JADE3: variants seen among roughly 807,000 people sequenced by gnomAD.
The protein encoded by JADE3 is protein Jade-3.
JADE3 carries 2 observed loss-of-function variants against 50.1 expected under a neutral mutation model. The observed-to-expected ratio is 0.04, with a 90% CI of 0.02 to 0.13. The LOEUF is 0.13. Among genes scored for constraint, JADE3 ranks in the 10% least tolerant of loss-of-function variants. JADE3 has a pLI of 1.00. For synonymous variants in JADE3, 218 were observed against 232.9 expected (o/e 0.94, Z 0.58); for missense variants, 475 against 634.4 (o/e 0.75, Z 2.70).
chrX:47,028,047 A>G lies in JADE3; in HGVS notation c.631A>G (p.Ser211Gly). The change falls in exon 6 of 11, where the codon AGT (serine) becomes GGT (glycine). Residue 211 changes from serine (S) to glycine (G), a missense_variant. Physicochemically the swap from Ser to Gly is moderately conservative, Grantham distance 56 (BLOSUM62 0). Transcript: ENST00000614628. ...CTGTGATGTGTGCCGGTCTCCAGAC[A>G]GTGAAGAAGGGAATGATATGGTGTT... ...VICDVCRSPD[S>G]EEGNDMVFCD... 1 of 1,210,295 alleles carries G rather than the reference A, an allele frequency of 8.3e-7. No homozygotes were observed. Among genetic ancestry groups the G allele is most frequent in the African/African-American group, 1.7e-5 (1 of 57,773 alleles).
At chrX:46,970,914 G>A (rs1327647329) in intron 1 of JADE3, among the ~76,000 whole-genome samples, 4 of 110,673 alleles carry the variant, frequency 3.6e-5, no homozygotes, top group African/African-American at 9.8e-5. Flanking sequence ...ATGGGAAATC[G>A]TTTTTTTAAA....
At chrX:47,024,985 G>A (rs782043106) in intron 5 of JADE3, 71 bp downstream of exon 5, 1 of 527,977 alleles carries the variant, frequency 1.9e-6, no homozygotes, top group South Asian at 5.3e-5. Context: ...GAACCCTTTA[G>A]CTTGTTTTTA....
intron 1 of JADE3, among the ~76,000 whole-genome samples, chrX:46,928,615 A>G (rs1569534157): frequency 9.0e-6 from 1 of 111,727 alleles, no homozygotes; most frequent in African/African-American, 3.3e-5. Flanking sequence ...ACAGGATTTC[A>G]CTCTGTCACC....
At chrX:46,947,176 T>A (rs1926901871) in intron 1 of JADE3, among the ~76,000 whole-genome samples, 1 of 111,279 alleles carries the variant, frequency 9.0e-6, no homozygotes, top group Admixed American at 9.5e-5. Flanking sequence ...CGCGCCACCA[T>A]GCCCGGCTAA....
intron 1 of JADE3, among the ~76,000 whole-genome samples, chrX:46,917,876 TCTCTCTCTCATC>T (rs1569533784): frequency 2.9e-5 from 3 of 102,836 alleles, no homozygotes; most frequent in Admixed American, 2.1e-4. Flanking sequence ...TCTCTCTCTC[TCTCTCTCTCATC>T]CTCTCTCTCT....
At chrX:46,954,729 A>G (rs1315769032) in intron 1 of JADE3, among the ~76,000 whole-genome samples, 1 of 110,615 alleles carries the variant, frequency 9.0e-6, no homozygotes, top group Non-Finnish European at 1.9e-5. Context: ...TAATTTTTAT[A>G]TTTTTAATAG....
At chrX:46,950,495 T>C (rs140411902) in intron 1 of JADE3, among the ~76,000 whole-genome samples, 4 of 112,508 alleles carry the variant, frequency 3.6e-5, no homozygotes, top group Non-Finnish European at 7.5e-5. Flanking sequence ...CTGAATAATA[T>C]TCCATCATGT....
intron 1 of JADE3, among the ~76,000 whole-genome samples, chrX:46,935,469 A>G (rs202144263): frequency 5.5e-5 from 6 of 109,145 alleles, no homozygotes; most frequent in African/African-American, 2.0e-4. Context: ...GAACCAGGCC[A>G]CACAGGAGGA....
At chrX:47,012,692 C>A (rs1928587513) in intron 4 of JADE3, among the ~76,000 whole-genome samples, 1 of 110,895 alleles carries the variant, frequency 9.0e-6, no homozygotes, top group Admixed American at 9.6e-5. Flanking sequence ...CAAATATTGC[C>A]TAAGCCAAGG....
intron 1 of JADE3, among the ~76,000 whole-genome samples, chrX:46,954,336 G>T (rs1193939290): frequency 9.0e-6 from 1 of 111,418 alleles, no homozygotes; most frequent in Non-Finnish European, 1.9e-5. Flanking sequence ...CTGTTTTTTG[G>T]TTTTGTTTGG....
chrX:46,996,068 G>A (rs782256118), intron 3 of JADE3, among the ~76,000 whole-genome samples: 3 of 111,876 alleles, frequency 2.7e-5, no homozygotes, highest in Non-Finnish European at 5.6e-5. Context: ...GCAGAGTCTC[G>A]CTCTGTCGCC....
intron 4 of JADE3, among the ~76,000 whole-genome samples, chrX:47,015,720 CTTTTTTTTT>C (rs1170777560): frequency 1.2e-5 from 1 of 84,064 alleles, no homozygotes; most frequent in East Asian, 3.5e-4. Context: ...GTCTCAGCAT[CTTTTTTTTT>C]TTTTTTTTTT....
intron 1 of JADE3, among the ~76,000 whole-genome samples, chrX:46,962,861 A>G (rs1347663321): frequency 9.3e-6 from 1 of 107,253 alleles, no homozygotes; most frequent in Non-Finnish European, 1.9e-5. Flanking sequence ...TTTTTGGAGA[A>G]AGAGTCTTGC....
At chrX:46,947,534 C>T (rs1196052488) in intron 1 of JADE3, among the ~76,000 whole-genome samples, 2 of 111,464 alleles carry the variant, frequency 1.8e-5, no homozygotes, top group African/African-American at 3.3e-5. Context: ...TTTTACTAAA[C>T]TGTAGTCATA....
chrX:47,017,693 T>G (rs1928705613), intron 4 of JADE3, among the ~76,000 whole-genome samples: 1 of 112,158 alleles, frequency 8.9e-6, no homozygotes, highest in Admixed American at 9.5e-5. Context: ...TAATATATAC[T>G]TCTGCATCGT....
In JADE3 at chrX:47,060,433, GCTT is replaced by G. The variant is rs1473457775; in HGVS notation, c.*1360_*1362del. The G allele has an allele frequency of 1.8e-5, 2 of 111,777 alleles. No individual in the cohort carries two copies. Among genetic ancestry groups the G allele is most frequent in the Non-Finnish European group, 3.8e-5 (2 of 53,149 alleles). 9.2% of individuals were successfully genotyped at this position (111,777 alleles called of 1,213,427 possible). A position where few individuals can be genotyped will look rare whatever the true frequency, so the allele number is the denominator to read the frequency against. On this transcript the variant is annotated 3_prime_UTR_variant, in exon 11 of 11. Transcript: ENST00000614628. The stretch of plus-strand genomic sequence containing the variant: ...AAAGAGGCCATTTTCCATTTTTAAA[GCTT>G]CTTACTGGTGAAACAGCCCAGTTGT...
chrX:47,040,245 G>A (rs1365736623), intron 8 of JADE3, among the ~76,000 whole-genome samples: 3 of 112,022 alleles, frequency 2.7e-5, no homozygotes, highest in African/African-American at 9.7e-5. Context: ...ACATTGCACA[G>A]TGCAGGGGTC....
In JADE3 at chrX:47,010,206, A is replaced by AT. The variant is rs201607664; in HGVS notation, c.284+11931dup. Reference sequence around the variant, plus strand: ...TTCTTAGATTTTTTTAAGTGAGATAATTCACCTATTATAAATTTTTATTTT... The same window carrying AT: ...TTCTTAGATTTTTTTAAGTGAGATAATTTCACCTATTATAAATTTTTATTTT... On this transcript the variant is annotated intron_variant, in intron 4 of 10. Coordinates refer to ENST00000614628, the MANE Select transcript of JADE3 (RefSeq NM_014735.5). Among the ~76,000 whole-genome samples the AT allele has an allele frequency of 5.1e-3, 567 of 110,873 alleles. 2 individuals are homozygous for AT. Among genetic ancestry groups the AT allele is most frequent in the African/African-American group, 0.018 (535 of 30,494 alleles).
chrX:46,960,366 G>A (rs148876991), intron 1 of JADE3, among the ~76,000 whole-genome samples: 1 of 112,004 alleles, frequency 8.9e-6, no homozygotes, highest in African/African-American at 3.2e-5. Context: ...AACGGATAAG[G>A]GTGGCTCATT....
Sources: gnomAD v4.1 joint callset for allele counts (sites outside exome capture counted in the v4.1 genomes callset) on GRCh38, gnomAD v4.1.1 for gene constraint, MANE v1.5 for transcripts, NCBI Gene and HGNC (gene_info 2026-07-23, HGNC 2026-07-21) for gene names.